The following SGCE variants were observed in gnomAD, a reference collection of about 807,000 sequenced individuals.
SGCE encodes the protein epsilon-sarcoglycan.
A neutral mutation model predicts 57.8 loss-of-function variants in SGCE; 26 were observed. That is an observed-to-expected ratio of 0.45 (90% CI 0.33 to 0.62). The LOEUF (loss-of-function observed/expected upper bound fraction) is 0.62. SGCE is among the 20% of genes least tolerant of loss of function. SGCE has a pLI of 0.02. For missense variants in SGCE, 468 were observed against 548.6 expected (o/e 0.85, Z 1.47); for synonymous variants, 183 against 189.5 (o/e 0.97, Z 0.28).
intron 9 of SGCE, among the ~76,000 whole-genome samples, chr7:94,596,086 C>T (rs550109510): frequency 1.9e-4 from 29 of 152,046 alleles, no homozygotes; most frequent in African/African-American, 5.8e-4. Context: ...CTTAAAAATA[C>T]GTATGTGTTT....
intron 9 of SGCE, 81 bp downstream of exon 9, chr7:94,598,694 C>T: frequency 9.9e-7 from 1 of 1,006,404 alleles, no homozygotes; most frequent in Non-Finnish European, 1.6e-6. Context: ...ACAAACACAA[C>T]AACAGAAAGC....
intron 2 of SGCE, 31 bp from the exon 3 acceptor site, chr7:94,628,390 G>A: frequency 6.4e-7 from 1 of 1,557,546 alleles, no homozygotes; most frequent in Non-Finnish European, 8.8e-7. Context: ...TAAGACATAA[G>A]ACAGTTATTT....
chr7:94,609,809 T>C (rs1299254874), intron 5 of SGCE, among the ~76,000 whole-genome samples: 1 of 152,190 alleles, frequency 6.6e-6, no homozygotes, highest in Non-Finnish European at 1.5e-5. Context: ...GGCAGTTTCT[T>C]ACAAAATAAC....
intron 1 of SGCE, among the ~76,000 whole-genome samples, chr7:94,631,528 A>G (rs564443247): frequency 5.3e-5 from 8 of 152,080 alleles, no homozygotes; most frequent in African/African-American, 1.9e-4. Flanking sequence ...GATTTATGGA[A>G]GAAGTGGAAT....
rs138881114 is a variant in SGCE, at chr7:94,628,137, T to TACACAC, written c.390+59_390+64dup. The TACACAC allele has an allele frequency of 0.055, 54,199 of 989,734 alleles. 685 individuals are homozygous for TACACAC. The highest frequency in any genetic ancestry group is 0.11 in the Middle Eastern group (517 of 4,554). The allele number at this position is 989,734 out of a possible 1,614,324, so 61.3% of individuals were successfully genotyped here. Reference sequence around the variant, plus strand: ...TCAACACTTAAAACTCAAATTACAATACACACACACACACACACACACACA... The same window carrying TACACAC: ...TCAACACTTAAAACTCAAATTACAATACACACACACACACACACACACACACACACA... On this transcript the variant is annotated intron_variant, in intron 3 of 10. Coordinates refer to ENST00000648936, the MANE Select transcript of SGCE (RefSeq NM_003919.3).
In SGCE at chr7:94,628,214, T is replaced by G. The variant is rs746942662; in HGVS notation, c.378A>C (p.Pro126=). ...AGGTGTAAATTACCTCAATGATTGT[T>G]GGCTTCCCCACATTTTCAGCTGTTG... ...GSPTAENVGK[P]TIIEITAYNR... Residue 126 remains proline (P), a synonymous_variant, in exon 3 of 11, where the codon CCA becomes CCC. Coordinates refer to ENST00000648936, the MANE Select transcript of SGCE (RefSeq NM_003919.3). 13 of 1,611,292 alleles carry G rather than the reference T, an allele frequency of 8.1e-6. No homozygotes were observed. The African/African-American group carries it at 1.7e-4, about 22-fold the overall frequency.
intron 10 of SGCE, chr7:94,587,106 T>C: frequency 2.0e-6 from 2 of 984,468 alleles, no homozygotes; most frequent in Non-Finnish European, 2.4e-6. Context: ...GAAAAATAAT[T>C]TTATAAATTA....
rs1799576136 is a variant in SGCE, at chr7:94,603,396, T to C, written c.719A>G (p.Glu240Gly). The C allele has an allele frequency of 6.2e-7, 1 of 1,613,316 alleles. No homozygotes were observed. The highest frequency in any genetic ancestry group is 8.5e-7 in the Non-Finnish European group (1 of 1,179,528). The part of the protein sequence containing the change: ...VPFSSCLREV[E>G]NPQNQLRCSQ... ...ACATCTCAATTGATTCTGTGGATTTTCAACTTCTCGTAAACAAGAAGAAAA... is the reference window on the plus strand; with the variant it reads ...ACATCTCAATTGATTCTGTGGATTTCCAACTTCTCGTAAACAAGAAGAAAA... The change falls in exon 6 of 11, where the codon GAA becomes GGA. Residue 240 changes from glutamate to glycine, a missense_variant. By Grantham distance (98) the Glu-to-Gly change is moderately conservative. Coordinates refer to ENST00000648936, the MANE Select transcript of SGCE (RefSeq NM_003919.3).
At chr7:94,620,975 G>C (rs1280366873) in intron 4 of SGCE, 3 of 152,206 alleles carry the variant, frequency 2.0e-5, no homozygotes, top group Non-Finnish European at 4.4e-5. Flanking sequence ...CAGATTGGTG[G>C]CAGGCCTCTG....
In SGCE at chr7:94,598,589, C is replaced by T. The variant is rs913434363; in HGVS notation, c.1253+186G>A. 2.3e-5 allele frequency: 14 copies of T among 609,078 alleles called. No individual in the cohort carries two copies. In the East Asian group the frequency reaches 4.0e-4, roughly 17 times the overall value. The allele number at this position is 609,078 out of a possible 1,614,324, so 37.7% of individuals were successfully genotyped here. Reference sequence around the variant, plus strand: ...TTGGATCAGTGGGGGAAAAAAAGTGCATTTCCTAAAAGTAATTGTATTGTA... The same window carrying T: ...TTGGATCAGTGGGGGAAAAAAAGTGTATTTCCTAAAAGTAATTGTATTGTA... On this transcript the variant is annotated intron_variant, in intron 9 of 10. Coordinates refer to ENST00000648936, the MANE Select transcript of SGCE (RefSeq NM_003919.3).
intron 3 of SGCE, chr7:94,624,162 CA>C (rs11331999): frequency 0.56 from 195,901 of 348,832 alleles, 33,409 homozygotes; most frequent in African/African-American, 0.81. Flanking sequence ...TGCAGTACCT[CA>C]AAAAAAAAAA....
chr7:94,648,114 T>C (rs952068991), intron 1 of SGCE, among the ~76,000 whole-genome samples: 2 of 152,084 alleles, frequency 1.3e-5, no homozygotes, highest in African/African-American at 4.8e-5. Context: ...GGCTCACACC[T>C]GTAATCCCAA....
chr7:94,631,953 T>C (rs1022101010), intron 1 of SGCE, among the ~76,000 whole-genome samples: 2 of 152,050 alleles, frequency 1.3e-5, no homozygotes, highest in African/African-American at 4.8e-5. Context: ...ACCTTGCTAT[T>C]TTCTCGGCAG....
intron 6 of SGCE, among the ~76,000 whole-genome samples, chr7:94,602,249 G>A (rs1490471976): frequency 6.6e-6 from 1 of 151,992 alleles, no homozygotes; most frequent in African/African-American, 2.4e-5. Flanking sequence ...TAATAATTGA[G>A]CAAATTTGCC....
At chr7:94,615,687 G>A (rs1562836699) in intron 5 of SGCE, among the ~76,000 whole-genome samples, 1 of 152,152 alleles carries the variant, frequency 6.6e-6, no homozygotes, top group Non-Finnish European at 1.5e-5. Context: ...GGTAACCAGA[G>A]GAAATAGTGG....
chr7:94,649,588 G>A (rs537225632), intron 1 of SGCE, among the ~76,000 whole-genome samples: 5 of 152,302 alleles, frequency 3.3e-5, no homozygotes, highest in African/African-American at 9.6e-5. Context: ...AAGAACGCCC[G>A]TGGCATCTTC....
intron 5 of SGCE, among the ~76,000 whole-genome samples, chr7:94,606,939 A>C (rs1371011919): frequency 6.6e-6 from 1 of 152,204 alleles, no homozygotes; most frequent in Non-Finnish European, 1.5e-5. Flanking sequence ...ATAACTTATC[A>C]AAATGTTTAC....
intron 6 of SGCE, among the ~76,000 whole-genome samples, chr7:94,603,077 T>TG (rs1799526274): frequency 1.3e-5 from 2 of 152,138 alleles, no homozygotes; most frequent in South Asian, 4.1e-4. Flanking sequence ...CCCCAGCAAT[T>TG]AATCAAGGAT....
chr7:94,655,805 G>A (rs1808565994), intron 1 of SGCE, among the ~76,000 whole-genome samples, 185 bp downstream of exon 1: 1 of 152,128 alleles, frequency 6.6e-6, no homozygotes. Context: ...CAAGCCTGGG[G>A]AGAGAGAAGC....
Sources: allele counts gnomAD v4.1 joint callset (sites outside exome capture counted in the v4.1 genomes callset), GRCh38; gene constraint gnomAD v4.1.1; transcripts MANE v1.5; gene names NCBI Gene and HGNC (gene_info 2026-07-23, HGNC 2026-07-21).